Variants in CACNA2D3 observed in about 807,000 individuals in gnomAD.
CACNA2D3 encodes voltage-dependent calcium channel subunit alpha-2/delta-3.
In CACNA2D3, 60 loss-of-function variants were observed where a neutral mutation model predicts 160.6. That is an observed-to-expected ratio of 0.37 (90% confidence interval 0.30 to 0.46). The LOEUF (loss-of-function observed/expected upper bound fraction) is 0.46. Among genes scored for constraint, CACNA2D3 ranks in the 20% least tolerant of loss-of-function variants. The probability of loss-of-function intolerance (pLI) is 1.00; values close to 1 mark genes in which losing one functional copy is unlikely to be tolerated. For missense variants in CACNA2D3, 1,205 were observed against 1,365.0 expected (o/e 0.88, Z 1.85); for synonymous variants, 558 against 492.9 (o/e 1.13, Z -1.75).
intron 4 of CACNA2D3, among the ~76,000 whole-genome samples, chr3:54,472,391 G>T (rs1418012685): frequency 1.3e-5 from 2 of 152,156 alleles, no homozygotes; most frequent in African/African-American, 4.8e-5. Context: ...TTGATGGAAT[G>T]TATCTCAAAG....
intron 2 of CACNA2D3, among the ~76,000 whole-genome samples, chr3:54,154,536 C>G (rs1700208763): frequency 1.3e-5 from 2 of 152,126 alleles, no homozygotes; most frequent in South Asian, 4.2e-4. Flanking sequence ...TTTTTCCCCC[C>G]CGAATGATTA....
chr3:54,709,147 C>A (rs1700909319), intron 11 of CACNA2D3, among the ~76,000 whole-genome samples: 1 of 151,626 alleles, frequency 6.6e-6, no homozygotes, highest in South Asian at 2.1e-4. Context: ...CTGACTGGGA[C>A]TACAGGTGCA....
intron 2 of CACNA2D3, among the ~76,000 whole-genome samples, chr3:54,262,925 G>A (rs936583728): frequency 6.6e-6 from 1 of 152,116 alleles, no homozygotes; most frequent in African/African-American, 2.4e-5. Context: ...AGTAAATCAG[G>A]AATCTGCTTG....
In CACNA2D3 at chr3:54,574,895, A is replaced by G. The variant is rs565004519; in HGVS notation, c.888+4791A>G. ...AGAGCATCATTTGTTAGTTCAAGCA[A>G]GAACTTTCTGATGCCCTGGTTTTAA... On this transcript the variant is annotated intron_variant, in intron 8 of 37. Transcript: ENST00000474759. 2.0e-5 allele frequency among the ~76,000 whole-genome samples: 3 copies of G among 152,388 alleles called. No homozygotes were observed. The South Asian group carries it at 6.2e-4, about 32-fold the overall frequency.
chr3:54,890,229 G>A (rs1376070318), intron 24 of CACNA2D3, among the ~76,000 whole-genome samples: 1 of 152,232 alleles, frequency 6.6e-6, no homozygotes, highest in African/African-American at 2.4e-5. Flanking sequence ...AGGCATGGTG[G>A]CTCACACCTG....
chr3:54,251,881 G>A (rs1324524100), intron 2 of CACNA2D3, among the ~76,000 whole-genome samples: 1 of 152,194 alleles, frequency 6.6e-6, no homozygotes, highest in Admixed American at 6.5e-5. Flanking sequence ...GAACAATAGT[G>A]TGAAACTTGA....
At chr3:54,551,141 C>T (rs960633406) in intron 5 of CACNA2D3, among the ~76,000 whole-genome samples, 3 of 152,194 alleles carry the variant, frequency 2.0e-5, no homozygotes, top group Non-Finnish European at 4.4e-5. Flanking sequence ...TCACCCCAGC[C>T]TCCTTTTTAT....
chr3:54,851,313 C>A (rs1229000314), intron 17 of CACNA2D3, among the ~76,000 whole-genome samples: 1 of 152,108 alleles, frequency 6.6e-6, no homozygotes, highest in Non-Finnish European at 1.5e-5. Context: ...CTAGCAGCAG[C>A]CTGGAGTTGA....
chr3:54,919,222 T>C (rs1466471137), intron 27 of CACNA2D3, among the ~76,000 whole-genome samples: 3 of 152,202 alleles, frequency 2.0e-5, no homozygotes, highest in African/African-American at 7.2e-5. Context: ...AGGGCACAGC[T>C]GCCCACTGCA....
chr3:54,867,148 G>T (rs983888760), intron 17 of CACNA2D3, among the ~76,000 whole-genome samples: 5 of 152,128 alleles, frequency 3.3e-5, no homozygotes, highest in East Asian at 3.9e-4. Context: ...AACTCCTCAC[G>T]CAGAAGAAGA....
intron 4 of CACNA2D3, among the ~76,000 whole-genome samples, chr3:54,453,775 A>G (rs757268639): frequency 6.6e-6 from 1 of 152,134 alleles, no homozygotes; most frequent in African/African-American, 2.4e-5. Flanking sequence ...TGCCAGAGAA[A>G]AGGACCTGTG....
At chr3:54,737,391 A>G (rs1452398100) in intron 11 of CACNA2D3, among the ~76,000 whole-genome samples, 1 of 152,142 alleles carries the variant, frequency 6.6e-6, no homozygotes, top group Non-Finnish European at 1.5e-5. Context: ...AGTCCTAAAA[A>G]ATAGGAAGGA....
chr3:54,487,383 C>A (rs927496706), intron 4 of CACNA2D3, among the ~76,000 whole-genome samples: 1 of 152,036 alleles, frequency 6.6e-6, no homozygotes, highest in Non-Finnish European at 1.5e-5. Flanking sequence ...GGGAAAAAAA[C>A]CAGACAGTCC....
rs76587727 is a variant in CACNA2D3, at chr3:54,666,974, T to C, written c.1167+24733T>C. On this transcript the variant is annotated intron_variant, in intron 11 of 37. Coordinates refer to ENST00000474759, the MANE Select transcript of CACNA2D3 (RefSeq NM_018398.3). ...AGTGGAACATTTGAGGGCAGTTCTC[T>C]GGCTCTAGCGGTCGATTTTCCTCCT... is the stretch of plus-strand genomic sequence containing the variant. Among the ~76,000 whole-genome samples the C allele has an allele frequency of 1.1e-3, 161 of 152,356 alleles. 2 individuals are homozygous for C. In the East Asian group the frequency reaches 0.028, roughly 26 times the overall value.
intron 4 of CACNA2D3, among the ~76,000 whole-genome samples, chr3:54,472,013 T>C (rs1271543388): frequency 2.6e-5 from 4 of 151,654 alleles, no homozygotes; most frequent in Non-Finnish European, 5.9e-5. Context: ...CTCCAAATGA[T>C]AGAAAAAAAG....
Position 54,781,777 on chromosome 3 carries a change from T to A in CACNA2D3, c.1380+17426T>A, listed in dbSNP as rs182190540. On this transcript the variant is annotated intron_variant, in intron 13 of 37. Coordinates refer to ENST00000474759, the MANE Select transcript of CACNA2D3 (RefSeq NM_018398.3). The stretch of plus-strand genomic sequence containing the variant: ...CAAGTATGCACAAAAGCCAACTGTT[T>A]TAAAGCTCAAGGAGGTTCCAGCTCT... Among the ~76,000 whole-genome samples the A allele has an allele frequency of 7.2e-5, 11 of 152,358 alleles. No individual in the cohort carries two copies. The East Asian group carries it at 1.9e-3, about 27-fold the overall frequency.
chr3:54,826,217 A>G (rs1363605731), intron 14 of CACNA2D3, among the ~76,000 whole-genome samples: 3 of 152,128 alleles, frequency 2.0e-5, no homozygotes, highest in South Asian at 2.1e-4. Context: ...TAATGGATAT[A>G]TATCCATTAC....
chr3:54,206,940 T>C (rs537783334), intron 2 of CACNA2D3, among the ~76,000 whole-genome samples: 1 of 152,344 alleles, frequency 6.6e-6, no homozygotes, highest in East Asian at 1.9e-4. Flanking sequence ...CCTGGGTCCC[T>C]CTCATCTGTA....
chr3:54,980,477 G>GA (rs1702483034), intron 29 of CACNA2D3, among the ~76,000 whole-genome samples: 2 of 152,164 alleles, frequency 1.3e-5, no homozygotes, highest in South Asian at 2.1e-4. Flanking sequence ...AATCTAGGCA[G>GA]AAAAAATCCA....
Sources: allele counts gnomAD v4.1 joint callset (sites outside exome capture counted in the v4.1 genomes callset), GRCh38; gene constraint gnomAD v4.1.1; transcripts MANE v1.5; gene names NCBI Gene and HGNC (gene_info 2026-07-23, HGNC 2026-07-21).